Variants in INSYN1 observed in about 807,000 individuals in gnomAD.
INSYN1 encodes inhibitory synaptic factor 1.
A neutral mutation model predicts 17.1 loss-of-function variants in INSYN1; 7 were observed. The observed-to-expected ratio is 0.41, with a 90% CI of 0.23 to 0.77. The LOEUF (loss-of-function observed/expected upper bound fraction) is 0.77. INSYN1 is among the 30% of genes least tolerant of loss of function. INSYN1 has a pLI of 0.32. For synonymous variants in INSYN1, 174 were observed against 166.3 expected, an observed-to-expected ratio of 1.05 and a Z score of -0.36; for missense variants, 339 against 400.6, an observed-to-expected ratio of 0.85 and a Z score of 1.31.
Position 73,751,000 on chromosome 15 carries a change from T to G in INSYN1, c.131A>C (p.Lys44Thr), listed in dbSNP as rs1245395335. 6.2e-7 allele frequency: 1 copy of G among 1,614,108 alleles called. No homozygotes were observed. Among genetic ancestry groups the G allele is most frequent in the South Asian group, 1.1e-5 (1 of 91,082 alleles). Reference protein sequence around the residue: ...GQLEGILRELKEVAKELREVV... With the variant: ...GQLEGILRELTEVAKELREVV... ...CTCCCTCAGCTCCTTGGCCACCTCC[T>G]TGAGCTCGCGAAGGATGCCCTCAAG... The change falls in exon 2 of 3, where the codon AAG becomes ACG. Residue 44 changes from lysine (K) to threonine (T), a missense_variant. Physicochemically the swap from Lys to Thr is moderately conservative, Grantham distance 78. Transcript: ENST00000569673.
chr15:73,742,194 C>A (rs1332524461), intron 2 of INSYN1, among the ~76,000 whole-genome samples: 1 of 152,312 alleles, frequency 6.6e-6, no homozygotes, highest in Non-Finnish European at 1.5e-5. Flanking sequence ...GTGGGGAAAC[C>A]ACTTGGCTGA....
In INSYN1 at chr15:73,738,476, G is replaced by A. The variant is rs1337157051; in HGVS notation, c.*1441C>T. ...AGGCTGACGAATCACTTGAGGTCAG[G>A]AGTTCAGACCAGCCTGCCCAACATG... On this transcript the variant is annotated 3_prime_UTR_variant, in exon 3 of 3. Transcript: ENST00000569673. 6.6e-6 allele frequency: 1 copy of A among 152,232 alleles called. No homozygotes were observed. Among genetic ancestry groups the A allele is most frequent in the Admixed American group, 6.5e-5 (1 of 15,288 alleles). 9.4% of individuals were successfully genotyped at this position (152,232 alleles called of 1,614,324 possible).
Position 73,748,691 on chromosome 15 carries a change from A to AC in INSYN1, c.156+2283dup, listed in dbSNP as rs559057650. ...CCTTTTCTCCAAACCGGGGTCTGGC[A>AC]CCCCCCCTTGGTAACCCCATCCCTG... On this transcript the variant is annotated intron_variant, in intron 2 of 2. Transcript: ENST00000569673. Among the ~76,000 whole-genome samples the AC allele has an allele frequency of 6.7e-4, 102 of 152,130 alleles. 1 individual carries two copies. The highest frequency in any genetic ancestry group is 2.1e-3 in the African/African-American group (89 of 41,496).
chr15:73,750,465 T>C (rs1259989022), intron 2 of INSYN1, among the ~76,000 whole-genome samples: 3 of 152,154 alleles, frequency 2.0e-5, no homozygotes, highest in Non-Finnish European at 4.4e-5. Flanking sequence ...CATAGCTGGC[T>C]TAAATTTTTC....
rs776045434 is a variant in INSYN1, at chr15:73,751,141, G to A, written c.-11C>T. 4.3e-6 allele frequency: 7 copies of A among 1,612,850 alleles called. No individual in the cohort carries two copies. The highest frequency in any genetic ancestry group is 5.9e-6 in the Non-Finnish European group (7 of 1,179,928). ...GCCCCGAATGTTCATCGTTTACCACGTGGCCGCAGGCCTGCCCATACTCCC... is the reference window on the plus strand; with the variant it reads ...GCCCCGAATGTTCATCGTTTACCACATGGCCGCAGGCCTGCCCATACTCCC... On this transcript the variant is annotated 5_prime_UTR_variant, in exon 2 of 3. In the 5' UTR this introduces an upstream ATG that the reference lacks. Coordinates refer to ENST00000569673, the MANE Select transcript of INSYN1 (RefSeq NM_001039614.3).
Position 73,740,349 on chromosome 15 carries a change from A to T in INSYN1, c.450T>A (p.Asn150Lys). Reference protein sequence around the residue: ...RLMNGGTPIPNGPRVETPDSS... With the variant: ...RLMNGGTPIPKGPRVETPDSS... ...AGTCTGGGGTCTCCACTCGTGGCCC[A>T]TTGGGGATGGGCGTGCCACCATTCA... The change falls in exon 3 of 3, where the codon AAT (asparagine) becomes AAA (lysine). Residue 150 changes from asparagine (N) to lysine (K), a missense_variant. Physicochemically the swap from Asn to Lys is moderately conservative, Grantham distance 94 (BLOSUM62 0). Transcript: ENST00000569673. 6.2e-7 allele frequency: 1 copy of T among 1,607,980 alleles called. No homozygotes were observed. The highest frequency in any genetic ancestry group is 1.1e-5 in the South Asian group (1 of 90,222).
Position 73,740,554 on chromosome 15 carries a change from G to A in INSYN1, c.245C>T (p.Ser82Phe), listed in dbSNP as rs1901666499. ...DWTTATVSST[S>F]SSDKAGMGGP... Reference sequence around the variant, plus strand: ...ACCCATGCCCGCCTTGTCACTGCTAGAGGTGCTGCTCACAGTGGCCGTGGT... The same window carrying A: ...ACCCATGCCCGCCTTGTCACTGCTAAAGGTGCTGCTCACAGTGGCCGTGGT... Residue 82 changes from serine (S) to phenylalanine (F), a missense_variant, in exon 3 of 3, where the codon TCT becomes TTT. Physicochemically the swap from Ser to Phe is radical, Grantham distance 155 (BLOSUM62 -2). Transcript: ENST00000569673. The A allele has an allele frequency of 6.2e-7, 1 of 1,614,090 alleles. No individual in the cohort carries two copies.
At position 73,751,183 on chromosome 15, in the gene INSYN1, C is replaced by T; in HGVS notation, c.-53G>A. 1.9e-6 allele frequency: 3 copies of T among 1,593,774 alleles called. No individual in the cohort carries two copies. Among genetic ancestry groups the T allele is most frequent in the Non-Finnish European group, 2.6e-6 (3 of 1,170,086 alleles). The stretch of plus-strand genomic sequence containing the variant: ...CATACTCCCCCCAGCTGGGCACACA[C>T]TGCGTCTGCCTCCACGGAGCCCCCC... On this transcript the variant is annotated 5_prime_UTR_variant, in exon 2 of 3. The change creates a new upstream start codon in the 5' untranslated region. Transcript: ENST00000569673.
At position 73,750,962 on chromosome 15, in the gene INSYN1, A is replaced by T; in HGVS notation, c.156+13T>A. 6.2e-7 allele frequency: 1 copy of T among 1,613,590 alleles called. No individual in the cohort carries two copies. Among genetic ancestry groups the T allele is most frequent in the Non-Finnish European group, 8.5e-7 (1 of 1,179,890 alleles). ...CTTAGGGTCTGTCTGGTCCCTCCTC[A>T]CCCCTCACTTACCTCCCTCAGCTCC... On this transcript the variant is annotated intron_variant, in intron 2 of 2. Coordinates refer to ENST00000569673, the MANE Select transcript of INSYN1 (RefSeq NM_001039614.3).
Position 73,738,032 on chromosome 15 carries a change from T to A in INSYN1, c.*1885A>T, listed in dbSNP as rs1031198564. 2.6e-5 allele frequency: 4 copies of A among 152,254 alleles called. No homozygotes were observed. Among genetic ancestry groups the A allele is most frequent in the African/African-American group, 9.7e-5 (4 of 41,436 alleles). 9.4% of individuals were successfully genotyped at this position (152,254 alleles called of 1,614,324 possible). On this transcript the variant is annotated 3_prime_UTR_variant, in exon 3 of 3. Transcript: ENST00000569673. ...GGTGGCTCCCAGTTGGATGGAGGTGTCTTCTTTGGCCATCCCACTCAAAGC... is the reference window on the plus strand; with the variant it reads ...GGTGGCTCCCAGTTGGATGGAGGTGACTTCTTTGGCCATCCCACTCAAAGC...
Position 73,740,408 on chromosome 15 carries a change from T to C in INSYN1, c.391A>G (p.Thr131Ala), listed in dbSNP as rs1327218311. The C allele has an allele frequency of 6.2e-7, 1 of 1,610,524 alleles. No individual in the cohort carries two copies. The highest frequency in any genetic ancestry group is 1.1e-5 in the South Asian group (1 of 90,810). Residue 131 changes from threonine to alanine, a missense_variant, in exon 3 of 3, where the codon ACT becomes GCT. Coordinates refer to ENST00000569673, the MANE Select transcript of INSYN1 (RefSeq NM_001039614.3). ...TAGTCAGGGCCAGCCCCTGGCCGAG[T>C]CGACTCGGGACCATCCACGGAGTCC... ...PSDSVDGPES[T>A]RPGAGPDYRL...
chr15:73,740,011 G>C lies in INSYN1; in HGVS notation c.788C>G (p.Thr263Arg). The C allele has an allele frequency of 2.5e-6, 4 of 1,612,844 alleles. No individual in the cohort carries two copies. Among genetic ancestry groups the C allele is most frequent in the Non-Finnish European group, 2.5e-6 (3 of 1,179,790 alleles). ...TLAPEQTRRV[T>R]RNSSTQTVSD... ...CACTGTCTGGGTGCTGCTGTTCCTC[G>C]TGACCCTTCGAGTCTGTTCAGGGGC... is the stretch of plus-strand genomic sequence containing the variant. The change falls in exon 3 of 3, where the codon ACG (threonine) becomes AGG (arginine). Residue 263 changes from threonine to arginine, a missense_variant. Physicochemically the swap from Thr to Arg is moderately conservative, Grantham distance 71. Transcript: ENST00000569673.
rs1169047478 is a variant in INSYN1, at chr15:73,752,952, C to T, written c.-1410G>A. Reference sequence around the variant, plus strand: ...GGCGAGAAGAGGCGAGGGGAGGAGGCGCGGCGAGGGGAAGGGAGGGGAGGG... The same window carrying T: ...GGCGAGAAGAGGCGAGGGGAGGAGGTGCGGCGAGGGGAAGGGAGGGGAGGG... On this transcript the variant is annotated 5_prime_UTR_variant, in exon 1 of 3. Coordinates refer to ENST00000569673, the MANE Select transcript of INSYN1 (RefSeq NM_001039614.3). This position sits in a 1 kb window ranked among gnomAD's most constrained non-coding sequence, Gnocchi z 5.2. Among the ~76,000 whole-genome samples, 2 of 141,502 alleles carry T rather than the reference C, an allele frequency of 1.4e-5. No individual in the cohort carries two copies. Among genetic ancestry groups the T allele is most frequent in the Non-Finnish European group, 3.1e-5 (2 of 64,904 alleles). 92.8% of individuals were successfully genotyped at this position (141,502 alleles called of 152,430 possible).
chr15:73,741,551 G>C (rs1338792050), intron 2 of INSYN1, among the ~76,000 whole-genome samples: 1 of 152,208 alleles, frequency 6.6e-6, no homozygotes, highest in South Asian at 2.1e-4. Context: ...ACATAAATCA[G>C]GGAGGAAGAC....
At chr15:73,743,700 C>T (rs1490999581) in intron 2 of INSYN1, among the ~76,000 whole-genome samples, 1 of 150,552 alleles carries the variant, frequency 6.6e-6, no homozygotes, top group Admixed American at 6.6e-5. Flanking sequence ...CGTGGTGGTG[C>T]GTGCATAGAG....
chr15:73,740,436 G>A lies in INSYN1; in HGVS notation c.363C>T (p.Pro121=). Residue 121 remains proline, a synonymous_variant, in exon 3 of 3, where the codon CCC becomes CCT. Transcript: ENST00000569673. The part of the protein sequence containing the change: ...EFCSFLDVST[P]SDSVDGPEST... ...ACTCGGGACCATCCACGGAGTCCGA[G>A]GGGGTAGAGACGTCCAGGAAGGAGC... 1 of 1,613,688 alleles carries A rather than the reference G, an allele frequency of 6.2e-7. No individual in the cohort carries two copies. The highest frequency in any genetic ancestry group is 1.3e-5 in the African/African-American group (1 of 75,058).
chr15:73,744,972 G>A (rs1901784570), intron 2 of INSYN1, among the ~76,000 whole-genome samples: 1 of 143,416 alleles, frequency 7.0e-6, no homozygotes, highest in African/African-American at 2.4e-5. Context: ...GAGACCAAGA[G>A]GGAGCCCTAG....
chr15:73,739,577 C>T lies in INSYN1; in HGVS notation c.*340G>A, dbSNP rs2601128. The T allele has an allele frequency of 1.3e-5, 2 of 152,602 alleles. No individual in the cohort carries two copies. Among genetic ancestry groups the T allele is most frequent in the South Asian group, 4.1e-4 (2 of 4,830 alleles). The allele number at this position is 152,602 out of a possible 1,614,324, so 9.5% of individuals were successfully genotyped here. A position where few individuals can be genotyped will look rare whatever the true frequency, so the allele number is the denominator to read the frequency against. ...GGGGAGTCCCCTCTAGGACATGGCC[C>T]TGGCCATCAGCCAGACTCCACCACA... On this transcript the variant is annotated 3_prime_UTR_variant, in exon 3 of 3. Coordinates refer to ENST00000569673, the MANE Select transcript of INSYN1 (RefSeq NM_001039614.3).
Position 73,740,585 on chromosome 15 carries a change from C to T in INSYN1, c.214G>A (p.Asp72Asn), listed in dbSNP as rs1311850695. 5.0e-6 allele frequency: 8 copies of T among 1,613,936 alleles called. No individual in the cohort carries two copies. Among genetic ancestry groups the T allele is most frequent in the African/African-American group, 1.3e-5 (1 of 75,046 alleles). The change falls in exon 3 of 3, where the codon GAC becomes AAC. Residue 72 changes from aspartate to asparagine, a missense_variant. Coordinates refer to ENST00000569673, the MANE Select transcript of INSYN1 (RefSeq NM_001039614.3). ...CTGCTCACAGTGGCCGTGGTCCAGT[C>T]GTCCGGCTCCAGTTCAAAGTCGAAG... ...SDFDFELEPD[D>N]WTTATVSSTS...
Sources: allele counts gnomAD v4.1 joint callset (sites outside exome capture counted in the v4.1 genomes callset), GRCh38; gene constraint gnomAD v4.1.1; non-coding constraint Gnocchi (gnomAD v3.1); transcripts MANE v1.5; gene names NCBI Gene and HGNC (gene_info 2026-07-23, HGNC 2026-07-21).